The following RNF144A variants were observed in gnomAD, a reference collection of about 807,000 sequenced individuals.
RNF144A encodes E3 ubiquitin-protein ligase RNF144A.
Under a neutral mutation model 38.7 loss-of-function variants are expected in RNF144A, and 11 were observed. The observed-to-expected ratio is 0.28, with a 90% confidence interval of 0.18 to 0.47. RNF144A has a LOEUF of 0.47. Ranked by LOEUF, RNF144A falls within the 20% of genes least tolerant of loss-of-function variation. RNF144A has a pLI of 0.99. For synonymous variants in RNF144A, 149 were observed against 143.9 expected (o/e 1.04, Z -0.25); for missense variants, 316 against 377.2 (o/e 0.84, Z 1.34).
intron 3 of RNF144A, among the ~76,000 whole-genome samples, chr2:7,003,578 C>G (rs927180515): frequency 1.3e-5 from 2 of 152,238 alleles, no homozygotes; most frequent in African/African-American, 4.8e-5. Context: ...GCCAGCTAGC[C>G]TAGGTGTGTA....
At chr2:7,070,623 A>G (rs143910038), downstream of RNF144A, among the ~76,000 whole-genome samples, 256 of 152,332 alleles carry the variant, frequency 1.7e-3, 3 homozygotes, top group African/African-American at 5.9e-3. Context: ...TAGAAAGGCC[A>G]TTAATCCAAT....
chr2:6,950,182 C>T (rs901506560), intron 2 of RNF144A, among the ~76,000 whole-genome samples: 6 of 152,166 alleles, frequency 3.9e-5, no homozygotes, highest in African/African-American at 1.4e-4. Context: ...GAATGGTGCT[C>T]CCATATATTG....
At chr2:7,003,095 A>G (rs74585877) in intron 3 of RNF144A, among the ~76,000 whole-genome samples, 1 of 152,248 alleles carries the variant, frequency 6.6e-6, no homozygotes, top group Non-Finnish European at 1.5e-5. Flanking sequence ...ATATATTTGT[A>G]CGTATATATA....
intron 2 of RNF144A, among the ~76,000 whole-genome samples, chr2:6,947,154 A>T (rs1270651407): frequency 6.6e-6 from 1 of 152,170 alleles, no homozygotes; most frequent in African/African-American, 2.4e-5. Context: ...TATTATACAT[A>T]TAAGTAATAT....
rs181099615 is a variant in RNF144A, at chr2:7,037,176, C to T, written c.748-2453C>T. Among the ~76,000 whole-genome samples, 15 of 152,318 alleles carry T rather than the reference C, an allele frequency of 9.8e-5. No homozygotes were observed. The East Asian group carries it at 2.5e-3, about 25-fold the overall frequency. On this transcript the variant is annotated intron_variant, in intron 8 of 8. Coordinates refer to ENST00000320892, the MANE Select transcript of RNF144A (RefSeq NM_014746.6). ...GCTTTGTGATATTTGCTTCCTGTCTCATTTTTTACTGCTGGCTGCGTAACT... is the reference window on the plus strand; with the variant it reads ...GCTTTGTGATATTTGCTTCCTGTCTTATTTTTTACTGCTGGCTGCGTAACT...
intron 2 of RNF144A, among the ~76,000 whole-genome samples, chr2:6,984,396 G>A (rs1205401544): frequency 1.3e-5 from 2 of 152,092 alleles, no homozygotes; most frequent in East Asian, 3.9e-4. Flanking sequence ...TCCGCCTCCT[G>A]GGTTCAAGCA....
intron 2 of RNF144A, among the ~76,000 whole-genome samples, chr2:6,969,801 G>A (rs1294637212): frequency 4.6e-5 from 7 of 152,024 alleles, no homozygotes; most frequent in African/African-American, 1.4e-4. Flanking sequence ...TCGCTGTGTC[G>A]CCTAGGCTGG....
chr2:7,000,532 A>T (rs1056311082), intron 3 of RNF144A, among the ~76,000 whole-genome samples: 1 of 152,244 alleles, frequency 6.6e-6, no homozygotes, highest in Non-Finnish European at 1.5e-5. Context: ...AGAGCTATTT[A>T]GGTCTGTCTT....
chr2:7,025,290 C>A (rs756521646), intron 7 of RNF144A, among the ~76,000 whole-genome samples: 2 of 152,234 alleles, frequency 1.3e-5, no homozygotes, highest in Middle Eastern at 3.2e-3. Flanking sequence ...CATTCTCCTT[C>A]CTTGCCCATA....
At chr2:7,065,488 T>C (rs992711880) in intron 6 of RNF144A, among the ~76,000 whole-genome samples, 6 of 152,264 alleles carry the variant, frequency 3.9e-5, no homozygotes, top group Admixed American at 6.5e-5. Flanking sequence ...AGAAATATTA[T>C]CTTTTGCTGC....
chr2:6,986,462 C>T (rs34429264), intron 2 of RNF144A, among the ~76,000 whole-genome samples: 47,819 of 151,882 alleles, frequency 0.31, 8,272 homozygotes, highest in Non-Finnish European at 0.4. Context: ...GTTGAGCTGG[C>T]CAGAGGCCTG....
At chr2:7,016,880 C>T (rs1416421774) in intron 5 of RNF144A, among the ~76,000 whole-genome samples, 2 of 152,166 alleles carry the variant, frequency 1.3e-5, no homozygotes, top group African/African-American at 4.8e-5. Context: ...TCATGTTGCG[C>T]ACACTGTCTG....
At chr2:7,038,829 G>T (rs764972930) in intron 8 of RNF144A, among the ~76,000 whole-genome samples, 1 of 151,636 alleles carries the variant, frequency 6.6e-6, no homozygotes, top group Non-Finnish European at 1.5e-5. Context: ...TGGATAGGTG[G>T]ATGAATAAAG....
chr2:6,918,430 G>A (rs1247200992), intron 1 of RNF144A: 2 of 152,288 alleles, frequency 1.3e-5, no homozygotes, highest in Non-Finnish European at 2.9e-5. Flanking sequence ...CAGGTCTCAG[G>A]ATGTCCACTC....
the RNF144A span, among the ~76,000 whole-genome samples, chr2:7,076,145 C>T: frequency 6.6e-6 from 1 of 152,154 alleles, no homozygotes; most frequent in African/African-American, 2.4e-5. Flanking sequence ...AAACTCCAAG[C>T]CCTTTCCCTA....
chr2:6,965,796 A>T (rs1480582008), intron 2 of RNF144A, among the ~76,000 whole-genome samples: 3 of 152,110 alleles, frequency 2.0e-5, no homozygotes, highest in Non-Finnish European at 4.4e-5. Context: ...TACCTACTAG[A>T]TTGCTATGCT....
intron 8 of RNF144A, among the ~76,000 whole-genome samples, chr2:7,036,423 T>A (rs1672681154): frequency 6.6e-6 from 1 of 152,184 alleles, no homozygotes; most frequent in Non-Finnish European, 1.5e-5. Flanking sequence ...GGGTGCACAG[T>A]GATAGTTTCA....
At chr2:6,940,147 C>A (rs902539571) in intron 1 of RNF144A, among the ~76,000 whole-genome samples, 2 of 152,154 alleles carry the variant, frequency 1.3e-5, no homozygotes, top group Admixed American at 1.3e-4. Context: ...ATTAATCAAT[C>A]TGTTAATATA....
At chr2:6,978,327 TA>T (rs980196188) in intron 2 of RNF144A, among the ~76,000 whole-genome samples, 138 of 152,306 alleles carry the variant, frequency 9.1e-4, no homozygotes, top group African/African-American at 3.2e-3. Flanking sequence ...TGTACTCTCT[TA>T]ACAGCACATA....
Sources: gnomAD v4.1 joint callset for allele counts (sites outside exome capture counted in the v4.1 genomes callset) on GRCh38, gnomAD v4.1.1 for gene constraint, MANE v1.5 for transcripts, NCBI Gene and HGNC (gene_info 2026-07-23, HGNC 2026-07-21) for gene names.